The following RIMS2 variants were observed in gnomAD, a reference collection of about 807,000 sequenced individuals.
The protein encoded by RIMS2 is regulating synaptic membrane exocytosis 2.
In RIMS2, 59 loss-of-function variants were observed where a neutral mutation model predicts 174.4. That is an observed-to-expected ratio of 0.34 (90% CI 0.27 to 0.42). The LOEUF (loss-of-function observed/expected upper bound fraction) is 0.42, where lower values mean the gene tolerates loss of function less well. RIMS2 is among the 10% of genes least tolerant of loss of function. The pLI, the probability that RIMS2 is intolerant of heterozygous loss-of-function variation, is 1.00. For synonymous variants in RIMS2, 606 were observed against 572.5 expected (o/e 1.06, Z -0.84); for missense variants, 1,620 against 1,666.3 (o/e 0.97, Z 0.48).
At chr8:104,011,855 T>C (rs2095771929) in intron 17 of RIMS2, among the ~76,000 whole-genome samples, 1 of 151,986 alleles carries the variant, frequency 6.6e-6, no homozygotes, top group East Asian at 1.9e-4. Context: ...AAATAATACA[T>C]AGATATACCC....
intron 1 of RIMS2, among the ~76,000 whole-genome samples, chr8:103,527,317 C>T (rs1347760720): frequency 6.6e-6 from 1 of 152,158 alleles, no homozygotes; most frequent in Non-Finnish European, 1.5e-5. Context: ...TGTGGATGCT[C>T]ATGTTTCTAA....
At chr8:103,922,034 A>G (rs2077772707) in intron 10 of RIMS2, 1 of 243,844 alleles carries the variant, frequency 4.1e-6, no homozygotes, top group African/African-American at 2.3e-5. Flanking sequence ...TTTTTATGTT[A>G]GTAATTATAA....
At chr8:103,523,741 A>T (rs1024131078) in intron 1 of RIMS2, among the ~76,000 whole-genome samples, 1 of 152,072 alleles carries the variant, frequency 6.6e-6, no homozygotes, top group Non-Finnish European at 1.5e-5. Flanking sequence ...TAAATAGATG[A>T]AGTCTTATGT....
chr8:104,132,051 A>G (rs902292086), intron 19 of RIMS2, among the ~76,000 whole-genome samples: 16 of 152,192 alleles, frequency 1.1e-4, no homozygotes, highest in African/African-American at 3.9e-4. Flanking sequence ...CATAAAATAC[A>G]TATTTTCTGT....
At chr8:103,953,771 A>G (rs2086200984) in intron 14 of RIMS2, among the ~76,000 whole-genome samples, 1 of 152,156 alleles carries the variant, frequency 6.6e-6, no homozygotes, top group Admixed American at 6.5e-5. Context: ...TAAATGTAAA[A>G]CAGGCTAAAT....
chr8:103,923,148 T>A (rs951473304), intron 10 of RIMS2, among the ~76,000 whole-genome samples: 3 of 151,996 alleles, frequency 2.0e-5, no homozygotes, highest in African/African-American at 7.2e-5. Context: ...GTGTATTTTC[T>A]TCTACTATAC....
intron 14 of RIMS2, among the ~76,000 whole-genome samples, chr8:103,947,542 A>T (rs2084099264): frequency 6.6e-6 from 1 of 152,234 alleles, no homozygotes; most frequent in Non-Finnish European, 1.5e-5. Context: ...TTGTAACGCA[A>T]TGATAAGTAT....
intron 1 of RIMS2, among the ~76,000 whole-genome samples, chr8:103,628,441 G>A (rs1353519914): frequency 1.3e-5 from 2 of 149,334 alleles, no homozygotes; most frequent in Non-Finnish European, 3.0e-5. Context: ...CACAACCTCC[G>A]CCTCCCGGTT....
intron 1 of RIMS2, among the ~76,000 whole-genome samples, chr8:103,686,515 GT>G (rs1353874803): frequency 6.6e-6 from 1 of 152,092 alleles, no homozygotes; most frequent in Non-Finnish European, 1.5e-5. Flanking sequence ...TCAATTCCTA[GT>G]TTGCTAAGCA....
chr8:103,957,524 G>A (rs184963860), intron 14 of RIMS2, among the ~76,000 whole-genome samples: 57 of 152,244 alleles, frequency 3.7e-4, no homozygotes, highest in African/African-American at 1.0e-3. Flanking sequence ...ATGAAACACC[G>A]CATGTTCTCA....
rs57855967 is a variant in RIMS2 at position 104,155,671 on chromosome 8, C to G, written c.3335-89245C>G. Among the ~76,000 whole-genome samples the G allele has an allele frequency of 3.4e-4, 52 of 152,158 alleles. No homozygotes were observed. The East Asian group carries it at 9.3e-3, about 27-fold the overall frequency. ...CTGGTGATCCACCCGCCTCGGCCTCCCAAAGTGCTGGGATTACAGGCATGA... is the reference window on the plus strand; with the variant it reads ...CTGGTGATCCACCCGCCTCGGCCTCGCAAAGTGCTGGGATTACAGGCATGA... On this transcript the variant is annotated intron_variant, in intron 19 of 23. Transcript: ENST00000504942.
chr8:103,908,059 T>A (rs1427457234), intron 4 of RIMS2, among the ~76,000 whole-genome samples: 1 of 151,786 alleles, frequency 6.6e-6, no homozygotes, highest in Non-Finnish European at 1.5e-5. Context: ...TTGTTTTCTT[T>A]CTTGAGACAG....
chr8:103,568,618 G>T, intron 1 of RIMS2: 1 of 584,390 alleles, frequency 1.7e-6, no homozygotes, highest in South Asian at 1.5e-5. Context: ...AGTTGTGACT[G>T]TGCAATATCA....
chr8:103,814,478 A>T (rs2154465791), intron 3 of RIMS2, among the ~76,000 whole-genome samples: 1 of 152,204 alleles, frequency 6.6e-6, no homozygotes, highest in South Asian at 2.1e-4. Flanking sequence ...TTTGAGGATG[A>T]TGTAAAGAAG....
At chr8:104,199,833 C>T (rs556254973) in intron 19 of RIMS2, among the ~76,000 whole-genome samples, 26 of 152,218 alleles carry the variant, frequency 1.7e-4, no homozygotes, top group South Asian at 8.3e-4. Flanking sequence ...AACTGGGTGG[C>T]GCTGGAAATG....
intron 16 of RIMS2, chr8:103,977,567 G>T (rs544079366): frequency 6.6e-6 from 1 of 152,294 alleles, no homozygotes; most frequent in East Asian, 1.9e-4. Context: ...CGACTTGCCA[G>T]CAGAAAGCAC....
intron 1 of RIMS2, 123 bp from the exon 3 acceptor site, chr8:103,652,501 G>T (rs1589734534): frequency 4.3e-6 from 2 of 459,778 alleles, no homozygotes; most frequent in East Asian, 1.4e-4. Context: ...GATGATAATT[G>T]GAGCTCACAT....
chr8:104,193,233 A>T (rs1372750631), intron 19 of RIMS2, among the ~76,000 whole-genome samples: 1 of 145,852 alleles, frequency 6.9e-6, no homozygotes, highest in Non-Finnish European at 1.5e-5. Flanking sequence ...TTTAATTTAG[A>T]TTCTCTTTTT....
chr8:103,534,499 A>G (rs762913005), intron 1 of RIMS2, among the ~76,000 whole-genome samples: 2 of 152,250 alleles, frequency 1.3e-5, no homozygotes, highest in African/African-American at 4.8e-5. Context: ...ACTCAATTCT[A>G]TAAGTATCCT....
Sources: gnomAD v4.1 joint callset for allele counts (sites outside exome capture counted in the v4.1 genomes callset) on GRCh38, gnomAD v4.1.1 for gene constraint, MANE v1.5 for transcripts, NCBI Gene and HGNC (gene_info 2026-07-23, HGNC 2026-07-21) for gene names.